LRRC4C: variants seen among roughly 807,000 people sequenced by gnomAD.
LRRC4C encodes the protein leucine-rich repeat-containing protein 4C.
Under a neutral mutation model 33.6 loss-of-function variants are expected in LRRC4C, and 5 were observed. That is an observed-to-expected ratio of 0.15 (90% CI 0.08 to 0.31). The LOEUF is 0.31. Ranked by LOEUF, LRRC4C falls within the 10% of genes least tolerant of loss-of-function variation. LRRC4C has a pLI of 1.00. For missense variants in LRRC4C, 560 were observed against 796.7 expected, an observed-to-expected ratio of 0.70 and a Z score of 3.58; for synonymous variants, 329 against 302.0, an observed-to-expected ratio of 1.09 and a Z score of -0.93.
chr11:40,540,431 G>A (rs1344058603), intron 3 of LRRC4C, among the ~76,000 whole-genome samples: 2 of 152,066 alleles, frequency 1.3e-5, no homozygotes, highest in African/African-American at 2.4e-5. Context: ...CAAACAGCCA[G>A]GTATTCTATT....
intron 1 of LRRC4C, among the ~76,000 whole-genome samples, chr11:41,135,956 C>A (rs1453384501): frequency 1.3e-5 from 2 of 151,874 alleles, no homozygotes; most frequent in African/African-American, 2.4e-5. Flanking sequence ...CAATTGTAAC[C>A]CTTATTGGAC....
intron 1 of LRRC4C, among the ~76,000 whole-genome samples, chr11:41,317,720 A>G (rs10837633): frequency 0.16 from 24,268 of 152,118 alleles, 2,354 homozygotes; most frequent in East Asian, 0.44. Context: ...GTAACATAAT[A>G]GACAATGGTT....
intron 2 of LRRC4C, among the ~76,000 whole-genome samples, chr11:40,876,374 A>C (rs1954893091): frequency 6.8e-6 from 1 of 147,434 alleles, no homozygotes; most frequent in Non-Finnish European, 1.5e-5. Context: ...GTCTCGTTCA[A>C]AGTCCCTGAT....
At chr11:40,901,699 C>A (rs1193912032) in intron 2 of LRRC4C, among the ~76,000 whole-genome samples, 1 of 151,922 alleles carries the variant, frequency 6.6e-6, no homozygotes, top group Non-Finnish European at 1.5e-5. Flanking sequence ...AGATAGGAAG[C>A]AATACAATTC....
chr11:40,406,986 T>C (rs1949986482), intron 3 of LRRC4C, among the ~76,000 whole-genome samples: 1 of 152,116 alleles, frequency 6.6e-6, no homozygotes. Flanking sequence ...GGATGTGGGC[T>C]ACACATATTC....
At position 40,493,659 on chromosome 11, in the gene LRRC4C, C is replaced by T. The variant is rs895069441; in HGVS notation, c.-270+154483G>A. ...TTCTTAGCTTGATAAACTATTAAAA[C>T]AAATAGTAACAACTATCTAATGTAA... is the stretch of plus-strand genomic sequence containing the variant. On this transcript the variant is annotated intron_variant, in intron 3 of 6. Coordinates refer to ENST00000528697, the MANE Select transcript of LRRC4C (RefSeq NM_001258419.2). Among the ~76,000 whole-genome samples the T allele has an allele frequency of 1.1e-4, 17 of 152,226 alleles. 1 individual carries two copies. The highest frequency in any genetic ancestry group is 3.9e-4 in the Admixed American group (6 of 15,266).
intron 1 of LRRC4C, among the ~76,000 whole-genome samples, chr11:41,006,893 T>C (rs942876325): frequency 1.3e-5 from 2 of 152,088 alleles, no homozygotes; most frequent in Non-Finnish European, 2.9e-5. Flanking sequence ...AGATTTCTTC[T>C]TAAAGAAATC....
At chr11:40,145,876 C>G (rs1489653732) in intron 5 of LRRC4C, among the ~76,000 whole-genome samples, 2 of 152,136 alleles carry the variant, frequency 1.3e-5, no homozygotes, top group African/African-American at 4.8e-5. Context: ...CTGCAAAGCT[C>G]TATGCTGGGC....
chr11:41,337,208 C>T (rs566138460), intron 1 of LRRC4C, among the ~76,000 whole-genome samples: 16 of 151,876 alleles, frequency 1.1e-4, no homozygotes, highest in Admixed American at 2.0e-4. Flanking sequence ...CCATGCCCAG[C>T]GAACTAAAAA....
At chr11:40,172,320 G>T (rs890175182) in intron 5 of LRRC4C, among the ~76,000 whole-genome samples, 3 of 152,010 alleles carry the variant, frequency 2.0e-5, no homozygotes, top group East Asian at 1.9e-4. Flanking sequence ...CACTCTCCTA[G>T]ATGACTTTAG....
chr11:41,126,690 G>A (rs1408460832), intron 1 of LRRC4C, among the ~76,000 whole-genome samples: 1 of 151,806 alleles, frequency 6.6e-6, no homozygotes, highest in East Asian at 2.0e-4. Context: ...GCAGAAGTTC[G>A]AAAAGTGCTG....
intron 3 of LRRC4C, among the ~76,000 whole-genome samples, chr11:40,619,407 C>A (rs1427490395): frequency 1.3e-5 from 2 of 151,470 alleles, no homozygotes; most frequent in African/African-American, 4.8e-5. Context: ...CATTCATGTA[C>A]CCCATAAATA....
Position 41,017,577 on chromosome 11 carries a change from A to G in LRRC4C, c.-495-83854T>C, listed in dbSNP as rs114329657. On this transcript the variant is annotated intron_variant, in intron 1 of 6. Transcript: ENST00000528697. The stretch of plus-strand genomic sequence containing the variant: ...TTGATCTAGAGACCGAGGTTATAGC[A>G]GTAAATATATTATTCTCCTCATGGT... Among the ~76,000 whole-genome samples, 729 of 152,190 alleles carry G rather than the reference A, an allele frequency of 4.8e-3. 6 individuals are homozygous for G. The highest frequency in any genetic ancestry group is 0.017 in the African/African-American group (698 of 41,532).
intron 2 of LRRC4C, among the ~76,000 whole-genome samples, chr11:40,802,641 A>G (rs1951086586): frequency 6.6e-6 from 1 of 152,178 alleles, no homozygotes; most frequent in Admixed American, 6.5e-5. Flanking sequence ...ATTGTAGAAT[A>G]AAGTAGAATA....
intron 1 of LRRC4C, among the ~76,000 whole-genome samples, chr11:40,994,004 A>G (rs1005133313): frequency 6.6e-6 from 1 of 151,792 alleles, no homozygotes; most frequent in South Asian, 2.1e-4. Context: ...TGGATGGGGC[A>G]TACTACTGTT....
rs1855342898 is a variant in LRRC4C, at chr11:40,115,276, C to T, written c.1017G>A (p.Arg339=). Residue 339 remains arginine (R), a synonymous_variant, in exon 7 of 7, where the codon AGG becomes AGA. Transcript: ENST00000528697. This position sits in a 1 kb window ranked among gnomAD's most constrained non-coding sequence, Gnocchi z 6.7. ...AATTCTGGTCGAGCTCTCCAATGTA[C>T]CTCCCCTTTAGATTGGGAGGAGTGT... The part of the protein sequence containing the change: ...RCNTPPNLKG[R]YIGELDQNYF... The T allele has an allele frequency of 6.2e-7, 1 of 1,614,136 alleles. No individual in the cohort carries two copies. Among genetic ancestry groups the T allele is most frequent in the Non-Finnish European group, 8.5e-7 (1 of 1,180,026 alleles).
intron 3 of LRRC4C, among the ~76,000 whole-genome samples, chr11:40,611,697 G>A (rs953756286): frequency 2.0e-5 from 3 of 151,818 alleles, no homozygotes; most frequent in Admixed American, 6.6e-5. Context: ...TTTAAAAGAT[G>A]TGCAAAGGGC....
chr11:40,936,066 A>ATATC (rs57615456), intron 1 of LRRC4C, among the ~76,000 whole-genome samples: 1 of 80,796 alleles, frequency 1.2e-5, no homozygotes, highest in African/African-American at 3.7e-5. Context: ...ATATATATAT[A>ATATC]ACATAGTTTG....
At chr11:40,634,781 C>T (rs1435700898) in intron 3 of LRRC4C, among the ~76,000 whole-genome samples, 5 of 151,884 alleles carry the variant, frequency 3.3e-5, no homozygotes, top group Admixed American at 2.6e-4. Flanking sequence ...ACTTTGGAAG[C>T]TAAGGCAGGT....
Sources: allele counts gnomAD v4.1 joint callset (sites outside exome capture counted in the v4.1 genomes callset), GRCh38; gene constraint gnomAD v4.1.1; non-coding constraint Gnocchi (gnomAD v3.1); transcripts MANE v1.5; gene names NCBI Gene and HGNC (gene_info 2026-07-23, HGNC 2026-07-21).